Variants in TCF7L2 observed in about 807,000 individuals in gnomAD.
TCF7L2 encodes transcription factor 7-like 2.
TCF7L2 carries 23 observed loss-of-function variants against 77.9 expected under a neutral mutation model. The ratio of observed to expected loss-of-function variants is 0.30; its 90% confidence interval spans 0.21 to 0.42. The LOEUF (loss-of-function observed/expected upper bound fraction) is 0.42, where lower values mean the gene tolerates loss of function less well. Ranked by LOEUF, TCF7L2 falls within the 10% of genes least tolerant of loss-of-function variation. TCF7L2 has a pLI of 1.00. For synonymous variants in TCF7L2, 413 were observed against 340.2 expected, an observed-to-expected ratio of 1.21 and a Z score of -2.36; for missense variants, 654 against 793.1, an observed-to-expected ratio of 0.82 and a Z score of 2.11.
chr10:112,985,891 T>C (rs1024373691), intron 4 of TCF7L2, among the ~76,000 whole-genome samples: 13 of 150,034 alleles, frequency 8.7e-5, no homozygotes, highest in Admixed American at 6.0e-4. Flanking sequence ...TGTGTGTGTG[T>C]GCATTCTTGT....
intron 5 of TCF7L2, among the ~76,000 whole-genome samples, chr10:113,052,593 G>A (rs909206547): frequency 2.6e-5 from 4 of 152,240 alleles, no homozygotes; most frequent in Non-Finnish European, 5.9e-5. Flanking sequence ...GGAAAAGGAC[G>A]TAGGCTCAGG....
intron 5 of TCF7L2, among the ~76,000 whole-genome samples, chr10:113,139,746 A>G (rs2068002034): frequency 6.6e-6 from 1 of 150,966 alleles, no homozygotes; most frequent in African/African-American, 2.4e-5. Flanking sequence ...TTTAAAAGAC[A>G]CTTTCCCCTC....
In TCF7L2 at chr10:113,129,494, A is replaced by T. The variant is rs914593411; in HGVS notation, c.553-11690A>T. The T allele has an allele frequency of 1.1e-4, 107 of 1,012,758 alleles. No individual in the cohort carries two copies. In the African/African-American group the frequency reaches 1.4e-3, roughly 13 times the overall value. 62.7% of individuals were successfully genotyped at this position (1,012,758 alleles called of 1,614,324 possible). The stretch of plus-strand genomic sequence containing the variant: ...TTAGAAAGTAGAAGGAGTTTTTAAA[A>T]TTTTTTTTAAAAAATTAAATCTGCA... On this transcript the variant is annotated intron_variant, in intron 5 of 13. Transcript: ENST00000627217.
intron 3 of TCF7L2, among the ~76,000 whole-genome samples, chr10:112,952,113 G>C (rs1352696723): frequency 6.6e-6 from 1 of 152,156 alleles, no homozygotes; most frequent in Non-Finnish European, 1.5e-5. Context: ...ACTGTGCTGC[G>C]CCCGATGCGC....
chr10:113,144,118 G>GTGTT, intron 7 of TCF7L2, 93 bp downstream of exon 7: 1 of 922,580 alleles, frequency 1.1e-6, no homozygotes, highest in Non-Finnish European at 1.6e-6. Flanking sequence ...GTGTGTGTGT[G>GTGTT]TGTGTGTGTG....
At chr10:112,982,259 T>C (rs558629814) in intron 4 of TCF7L2, among the ~76,000 whole-genome samples, 1 of 152,302 alleles carries the variant, frequency 6.6e-6, no homozygotes, top group African/African-American at 2.4e-5. Context: ...GGCTGAAACT[T>C]TTTAATTGGG....
chr10:112,971,278 C>T (rs753215170), intron 4 of TCF7L2, among the ~76,000 whole-genome samples: 1 of 152,068 alleles, frequency 6.6e-6, no homozygotes, highest in Admixed American at 6.6e-5. Context: ...CAGTGTAGTC[C>T]AGGAGTTAGA....
intron 4 of TCF7L2, among the ~76,000 whole-genome samples, chr10:113,032,912 T>C (rs1369778011): frequency 6.6e-6 from 1 of 152,296 alleles, no homozygotes; most frequent in East Asian, 1.9e-4. Context: ...AGAAAAAGGT[T>C]AACTGTAAGG....
At chr10:113,049,244 A>G (rs1344545498) in intron 5 of TCF7L2, among the ~76,000 whole-genome samples, 1 of 151,916 alleles carries the variant, frequency 6.6e-6, no homozygotes, top group Non-Finnish European at 1.5e-5. Flanking sequence ...TTTGAATGCC[A>G]AATAGACAGG....
chr10:113,079,100 C>A (rs147709776), intron 5 of TCF7L2, among the ~76,000 whole-genome samples: 123 of 152,278 alleles, frequency 8.1e-4, no homozygotes, highest in African/African-American at 2.9e-3. Context: ...TCCCAAAGTG[C>A]TGGGATTACA....
At chr10:113,004,056 A>T (rs1454635152) in intron 4 of TCF7L2, among the ~76,000 whole-genome samples, 2 of 152,234 alleles carry the variant, frequency 1.3e-5, no homozygotes, top group Non-Finnish European at 2.9e-5. Flanking sequence ...CCTAGGTAGC[A>T]CAGGGAAGTT....
At chr10:113,093,945 T>A (rs565558791) in intron 5 of TCF7L2, among the ~76,000 whole-genome samples, 1 of 152,360 alleles carries the variant, frequency 6.6e-6, no homozygotes, top group Non-Finnish European at 1.5e-5. Context: ...CTTGTTTCCT[T>A]CCTCTTCAGG....
rs61281206 is a variant in TCF7L2, at chr10:112,970,166, T to TTGTG, written c.450+5559_450+5562dup. 9.9e-3 allele frequency among the ~76,000 whole-genome samples: 1,486 copies of TTGTG among 150,352 alleles called. 20 individuals carry two copies. The highest frequency in any genetic ancestry group is 0.03 in the African/African-American group (1,239 of 40,970). ...TTATTCTTTTTAGATTTGAAGTGGT[T>TTGTG]TGTGTGTGTGTGTGTGTGTGCATGT... On this transcript the variant is annotated intron_variant, in intron 4 of 13. Transcript: ENST00000627217.
chr10:113,073,150 G>GAGAGAGACAGAGAGAGAGAGAGAA (rs1564855702), intron 5 of TCF7L2, among the ~76,000 whole-genome samples: 8 of 149,126 alleles, frequency 5.4e-5, no homozygotes, highest in African/African-American at 2.0e-4. Context: ...GAGAGAGAGA[G>GAGAGAGACAGAGAGAGAGAGAGAA]ACAGAGAGAG....
intron 5 of TCF7L2, among the ~76,000 whole-genome samples, chr10:113,084,129 C>T (rs2059589132): frequency 6.6e-6 from 1 of 152,144 alleles, no homozygotes; most frequent in Admixed American, 6.5e-5. Flanking sequence ...CAGGGTTCTC[C>T]AGAGACATAA....
intron 5 of TCF7L2, among the ~76,000 whole-genome samples, chr10:113,087,776 T>C (rs2059979219): frequency 1.3e-5 from 2 of 152,126 alleles, no homozygotes; most frequent in South Asian, 4.1e-4. Context: ...GTAGCTCCAG[T>C]TATGGGGCAG....
intron 4 of TCF7L2, among the ~76,000 whole-genome samples, chr10:112,988,500 C>T (rs565474517): frequency 6.6e-6 from 1 of 152,196 alleles, no homozygotes; most frequent in Non-Finnish European, 1.5e-5. Flanking sequence ...GTGTGGGTCA[C>T]TCTCTACCTG....
In TCF7L2 at chr10:113,154,170, A is replaced by G. The variant is rs186690520; in HGVS notation, c.1269+1730A>G. 1.1e-4 allele frequency among the ~76,000 whole-genome samples: 17 copies of G among 152,312 alleles called. No individual in the cohort carries two copies. The East Asian group carries it at 2.7e-3, about 24-fold the overall frequency. On this transcript the variant is annotated intron_variant, in intron 11 of 13. Transcript: ENST00000627217. ...GGGAGGCCTTTCTTCTGGAGCTGAA[A>G]GGAAGAGGATGAGAAAGTGAATGCT...
chr10:113,101,947 T>C (rs948058514), intron 5 of TCF7L2, among the ~76,000 whole-genome samples: 1 of 150,178 alleles, frequency 6.7e-6, no homozygotes, highest in African/African-American at 2.5e-5. Flanking sequence ...GAGACCAGCC[T>C]GGGCAACATA....
Sources: allele counts gnomAD v4.1 joint callset (sites outside exome capture counted in the v4.1 genomes callset), GRCh38; gene constraint gnomAD v4.1.1; transcripts MANE v1.5; gene names NCBI Gene and HGNC (gene_info 2026-07-23, HGNC 2026-07-21).